CPNE4: variants seen among roughly 807,000 people sequenced by gnomAD.
The protein encoded by CPNE4 is copine-4.
CPNE4 carries 25 observed loss-of-function variants against 67.9 expected under a neutral mutation model. The ratio of observed to expected loss-of-function variants is 0.37; its 90% CI spans 0.27 to 0.51. The LOEUF is 0.51. CPNE4 is among the 20% of genes least tolerant of loss of function. The pLI is 0.93. For synonymous variants in CPNE4, 242 were observed against 244.9 expected (o/e 0.99, Z 0.11); for missense variants, 464 against 690.8 (o/e 0.67, Z 3.68).
At chr3:131,558,105 C>T (rs752703921) in intron 11 of CPNE4, among the ~76,000 whole-genome samples, 7 of 151,808 alleles carry the variant, frequency 4.6e-5, no homozygotes, top group Non-Finnish European at 8.8e-5. Context: ...GCTATGTAAT[C>T]GAGTTTCAAG....
At chr3:131,659,006 T>C (rs1468998859) in intron 7 of CPNE4, among the ~76,000 whole-genome samples, 1 of 152,226 alleles carries the variant, frequency 6.6e-6, no homozygotes, top group African/African-American at 2.4e-5. Flanking sequence ...AACCTTCCTG[T>C]TGACAAGGCT....
chr3:131,591,783 T>A (rs1267273289), intron 7 of CPNE4, among the ~76,000 whole-genome samples: 2 of 152,202 alleles, frequency 1.3e-5, no homozygotes, highest in African/African-American at 4.8e-5. Flanking sequence ...CTCCCTGGCA[T>A]GAAGCTGGCT....
intron 2 of CPNE4, among the ~76,000 whole-genome samples, chr3:131,769,296 T>C (rs933499930): frequency 6.6e-6 from 1 of 152,122 alleles, no homozygotes; most frequent in Non-Finnish European, 1.5e-5. Context: ...TCTGGGAAGA[T>C]GTGAAGAAAA....
intron 2 of CPNE4, among the ~76,000 whole-genome samples, chr3:131,847,840 G>A (rs1347438676): frequency 6.6e-6 from 1 of 152,106 alleles, no homozygotes; most frequent in Non-Finnish European, 1.5e-5. Flanking sequence ...GTCCTGTGTT[G>A]TTCCTCTTGT....
At chr3:131,535,475 G>T in intron 15 of CPNE4, 146 bp from the exon 16 acceptor site, 1 of 713,662 alleles carries the variant, frequency 1.4e-6, no homozygotes, top group Non-Finnish European at 2.1e-6. Flanking sequence ...TCAAGCAATA[G>T]TTGTCAGATT....
At chr3:131,980,057 G>C (rs1583553807) in intron 1 of CPNE4, among the ~76,000 whole-genome samples, 2 of 152,178 alleles carry the variant, frequency 1.3e-5, no homozygotes, top group African/African-American at 4.8e-5. Context: ...TTTCTGCTGA[G>C]AAATTTGCTG....
intron 1 of CPNE4, among the ~76,000 whole-genome samples, chr3:131,952,875 C>A (rs1473114032): frequency 6.6e-6 from 1 of 152,158 alleles, no homozygotes; most frequent in Non-Finnish European, 1.5e-5. Flanking sequence ...ACATGGGAGA[C>A]TTTTCATTTT....
chr3:131,541,470 A>G (rs757176008), intron 15 of CPNE4, among the ~76,000 whole-genome samples: 6 of 151,742 alleles, frequency 4.0e-5, no homozygotes, highest in Non-Finnish European at 7.4e-5. Flanking sequence ...CTGACTTACT[A>G]TTTCTTACTG....
intron 10 of CPNE4, among the ~76,000 whole-genome samples, chr3:131,572,481 T>C (rs1284175430): frequency 6.6e-6 from 1 of 151,978 alleles, no homozygotes; most frequent in East Asian, 1.9e-4. Flanking sequence ...TCGCCTCCTA[T>C]TCTTTGATCT....
chr3:131,972,486 T>C (rs911799513), intron 1 of CPNE4, among the ~76,000 whole-genome samples: 1 of 152,184 alleles, frequency 6.6e-6, no homozygotes, highest in Admixed American at 6.5e-5. Flanking sequence ...GGAATTCTGG[T>C]CTTTCCTGTT....
At chr3:131,761,035 T>A (rs1212349899) in intron 2 of CPNE4, among the ~76,000 whole-genome samples, 2 of 152,032 alleles carry the variant, frequency 1.3e-5, no homozygotes, top group Non-Finnish European at 2.9e-5. Context: ...CATCTTAGAG[T>A]AGAATCTTAG....
intron 7 of CPNE4, among the ~76,000 whole-genome samples, chr3:131,609,212 A>C (rs1939679836): frequency 6.6e-6 from 1 of 152,166 alleles, no homozygotes; most frequent in Non-Finnish European, 1.5e-5. Context: ...TTAACTTACA[A>C]TTTTATTCCC....
intron 2 of CPNE4, among the ~76,000 whole-genome samples, chr3:131,804,496 G>C (rs2084241217): frequency 6.6e-6 from 1 of 151,984 alleles, no homozygotes; most frequent in African/African-American, 2.4e-5. Context: ...CTGATCTGTA[G>C]GACTAGCACA....
intron 2 of CPNE4, among the ~76,000 whole-genome samples, chr3:131,834,150 G>A (rs2085473451): frequency 6.6e-6 from 1 of 152,138 alleles, no homozygotes; most frequent in Admixed American, 6.5e-5. Flanking sequence ...ACAAAAGCCA[G>A]GGAGGAAAAT....
chr3:131,536,946 T>C (rs1935180646), intron 15 of CPNE4, among the ~76,000 whole-genome samples: 1 of 152,174 alleles, frequency 6.6e-6, no homozygotes, highest in Non-Finnish European at 1.5e-5. Flanking sequence ...CCCAATTCCA[T>C]CCTTTGAGAT....
At chr3:132,031,587 C>T (rs1359663294) in intron 1 of CPNE4, among the ~76,000 whole-genome samples, 1 of 152,176 alleles carries the variant, frequency 6.6e-6, no homozygotes, top group East Asian at 1.9e-4. Context: ...GTATTGATTA[C>T]ACACAACACT....
intron 1 of CPNE4, among the ~76,000 whole-genome samples, chr3:131,923,664 C>T (rs2107813692): frequency 7.7e-6 from 1 of 130,110 alleles, no homozygotes. Context: ...GAGATTATGC[C>T]ACTGCATTCC....
chr3:131,737,087 C>T (rs1327459583), intron 2 of CPNE4, among the ~76,000 whole-genome samples: 1 of 137,326 alleles, frequency 7.3e-6, no homozygotes, highest in Non-Finnish European at 1.6e-5. Flanking sequence ...TAAGTACATT[C>T]AGTGCCTCTT....
chr3:131,558,189 C>T (rs1344219963), intron 11 of CPNE4, among the ~76,000 whole-genome samples: 2 of 152,066 alleles, frequency 1.3e-5, no homozygotes, highest in South Asian at 2.1e-4. Flanking sequence ...ATTCTCTGAA[C>T]TTAGCCACCA....
Sources: allele counts gnomAD v4.1 joint callset (sites outside exome capture counted in the v4.1 genomes callset), GRCh38; gene constraint gnomAD v4.1.1; transcripts MANE v1.5; gene names NCBI Gene and HGNC (gene_info 2026-07-23, HGNC 2026-07-21).